ANGPT2: variants seen among roughly 807,000 people sequenced by gnomAD.
ANGPT2 encodes the protein angiopoietin 2, also known as angiopoietin-2.
In ANGPT2, 28 loss-of-function variants were observed where a neutral mutation model predicts 62.9. The observed-to-expected ratio is 0.44, with a 90% CI of 0.33 to 0.61. The LOEUF (loss-of-function observed/expected upper bound fraction) is 0.61, where lower values mean the gene tolerates loss of function less well. ANGPT2 is among the 20% of genes least tolerant of loss of function. The probability of loss-of-function intolerance (pLI) is 0.03; values close to 1 mark genes in which losing one functional copy is unlikely to be tolerated. For missense variants in ANGPT2, 727 were observed against 594.9 expected (o/e 1.22, Z -2.31); for synonymous variants, 284 against 207.8 (o/e 1.37, Z -3.15).
rs550068553 is a variant in ANGPT2 at position 6,542,599 on chromosome 8, T to TA, written c.289-10113dup. Among the ~76,000 whole-genome samples, 55 of 146,604 alleles carry TA rather than the reference T, an allele frequency of 3.8e-4. 1 individual carries two copies. Among genetic ancestry groups the TA allele is most frequent in the African/African-American group, 5.2e-4 (21 of 40,014 alleles). ...TGTACTGATATGCCTATTCTTATCT[T>TA]AAAAAAAAAAAAGTGCTGTCTGAGG... On this transcript the variant is annotated intron_variant, in intron 1 of 8. Coordinates refer to ENST00000629816, the MANE Select transcript of ANGPT2 (RefSeq NM_001118887.2).
At chr8:6,548,887 A>G (rs1376684753) in intron 1 of ANGPT2, among the ~76,000 whole-genome samples, 1 of 152,190 alleles carries the variant, frequency 6.6e-6, no homozygotes, top group Non-Finnish European at 1.5e-5. Context: ...ATAAAGTTTC[A>G]TCACTTTTTA....
rs76181284 is a variant in ANGPT2, at chr8:6,513,125, C to G, written c.1196+553G>C. Among the ~76,000 whole-genome samples the G allele has an allele frequency of 4.5e-3, 684 of 152,272 alleles. 2 individuals are homozygous for G. Among genetic ancestry groups the G allele is most frequent in the African/African-American group, 0.016 (651 of 41,544 alleles). ...AGCCAATTATCTACCAGGCAGAGTT[C>G]TTCTAGGCTTTGAAGATACACAGTA... On this transcript the variant is annotated intron_variant, in intron 7 of 8. Coordinates refer to ENST00000629816, the MANE Select transcript of ANGPT2 (RefSeq NM_001118887.2).
chr8:6,514,828 C>A lies in ANGPT2; in HGVS notation c.928-50G>T, dbSNP rs775621159. 51 of 1,514,556 alleles carry A rather than the reference C, an allele frequency of 3.4e-5. No individual in the cohort carries two copies. The Admixed American group carries it at 7.6e-4, about 22-fold the overall frequency. The allele number at this position is 1,514,556 out of a possible 1,614,324, so 93.8% of individuals were successfully genotyped here. A position where few individuals can be genotyped will look rare whatever the true frequency, so the allele number is the denominator to read the frequency against. ...AGTGACAGAGCCCCCCCACTCCCCC[C>A]TTACGTAGCAGAAGCAGGAGGAATG... On this transcript the variant is annotated intron_variant, in intron 5 of 8. Transcript: ENST00000629816.
rs556470293 is a variant in ANGPT2 at position 6,561,172 on chromosome 8, T to G, written c.288+1475A>C. 2.9e-4 allele frequency among the ~76,000 whole-genome samples: 44 copies of G among 152,354 alleles called. 1 individual carries two copies. Among genetic ancestry groups the G allele is most frequent in the African/African-American group, 1.0e-3 (43 of 41,572 alleles). On this transcript the variant is annotated intron_variant, in intron 1 of 8. Coordinates refer to ENST00000629816, the MANE Select transcript of ANGPT2 (RefSeq NM_001118887.2). ...CGTAATTATTCACACAGCTATGAAT[T>G]TTAGAAGATGTTTAAAAGCAAACCA...
intron 1 of ANGPT2, among the ~76,000 whole-genome samples, chr8:6,549,174 T>C (rs17623747): frequency 6.6e-6 from 1 of 152,176 alleles, no homozygotes; most frequent in Non-Finnish European, 1.5e-5. Flanking sequence ...GTTTGTACAG[T>C]TGAGTGTTGA....
At position 6,500,243 on chromosome 8, in the gene ANGPT2, G is replaced by C. The variant is rs1369702510; in HGVS notation, c.*2858C>G. 11 of 358,186 alleles carry C rather than the reference G, an allele frequency of 3.1e-5. No individual in the cohort carries two copies. The highest frequency in any genetic ancestry group is 4.8e-5 in the Non-Finnish European group (9 of 188,920). The allele number at this position is 358,186 out of a possible 1,614,324, so 22.2% of individuals were successfully genotyped here. A position where few individuals can be genotyped will look rare whatever the true frequency, so the allele number is the denominator to read the frequency against. On this transcript the variant is annotated 3_prime_UTR_variant, in exon 9 of 9. Coordinates refer to ENST00000629816, the MANE Select transcript of ANGPT2 (RefSeq NM_001118887.2). ...CAGGTAGTCTTATATCTTGCTTAAT[G>C]TTTTTACTGTTAATAGAAATAGAAC...
At chr8:6,522,080 G>A (rs1817457142) in intron 3 of ANGPT2, among the ~76,000 whole-genome samples, 5 of 152,226 alleles carry the variant, frequency 3.3e-5, no homozygotes, top group Admixed American at 3.3e-4. Context: ...TGCTGGCCGG[G>A]CGCAGTGGCT....
Position 6,509,036 on chromosome 8 carries a change from G to A in ANGPT2, c.1223C>T (p.Thr408Ile). ...GCTGATGCTGCTTATTTTGCCGGCT[G>A]TCCCTGTAAGTCCTTTAAGGTGAAT... ...YRIHLKGLTG[T>I]AGKISSISQP... Residue 408 changes from threonine (T) to isoleucine (I), a missense_variant, in exon 8 of 9, where the codon ACA becomes ATA. By Grantham distance (89) the Thr-to-Ile change is moderately conservative. Coordinates refer to ENST00000629816, the MANE Select transcript of ANGPT2 (RefSeq NM_001118887.2). 6.2e-7 allele frequency: 1 copy of A among 1,614,074 alleles called. No homozygotes were observed. Among genetic ancestry groups the A allele is most frequent in the Non-Finnish European group, 8.5e-7 (1 of 1,180,030 alleles).
At chr8:6,558,470 C>G (rs548840978) in intron 1 of ANGPT2, among the ~76,000 whole-genome samples, 1 of 152,118 alleles carries the variant, frequency 6.6e-6, no homozygotes, top group Non-Finnish European at 1.5e-5. Flanking sequence ...AAAATAAGCA[C>G]CCCAGACCAT....
chr8:6,507,479 A>G (rs939772151), intron 8 of ANGPT2: 4 of 152,036 alleles, frequency 2.6e-5, no homozygotes, highest in African/African-American at 9.7e-5. Context: ...AGCATTTGTC[A>G]CACTTTTTTC....
chr8:6,532,259 G>A (rs1586425351), intron 2 of ANGPT2, 73 bp downstream of exon 2: 10 of 1,558,976 alleles, frequency 6.4e-6, no homozygotes, highest in African/African-American at 1.4e-5. Context: ...CCTTCATTGA[G>A]GAAGCTCCTG....
intron 2 of ANGPT2, 150 bp downstream of exon 2, chr8:6,532,182 T>C: frequency 1.1e-6 from 1 of 908,536 alleles, no homozygotes; most frequent in Non-Finnish European, 1.7e-6. Flanking sequence ...TAAGCAGCCA[T>C]ACATCCTTAA....
intron 3 of ANGPT2, among the ~76,000 whole-genome samples, chr8:6,522,189 A>G (rs1040146127): frequency 2.0e-5 from 3 of 151,990 alleles, no homozygotes; most frequent in African/African-American, 7.2e-5. Flanking sequence ...CCCCGTCTCC[A>G]CTAAAAATAC....
At chr8:6,521,533 T>A in intron 3 of ANGPT2, 123 bp from the exon 4 acceptor site, 1 of 727,314 alleles carries the variant, frequency 1.4e-6, no homozygotes, top group Non-Finnish European at 2.2e-6. Flanking sequence ...AGTAATATGA[T>A]GTTACCAGAG....
rs573074166 is a variant in ANGPT2, at chr8:6,502,153, A to G, written c.*948T>C. On this transcript the variant is annotated 3_prime_UTR_variant, in exon 9 of 9. Transcript: ENST00000629816. ...TGTTTTAGAATAGTGAGAAGATAGT[A>G]AAGTTTCTTTGTCATAGAATGAAAT... is the stretch of plus-strand genomic sequence containing the variant. The G allele has an allele frequency of 1.7e-4, 26 of 152,288 alleles. 2 individuals are homozygous for G. Among genetic ancestry groups the G allele is most frequent in the African/African-American group, 5.5e-4 (23 of 41,558 alleles). 9.4% of individuals were successfully genotyped at this position (152,288 alleles called of 1,614,324 possible).
intron 2 of ANGPT2, 46 bp downstream of exon 2, chr8:6,532,286 G>T: frequency 1.2e-6 from 2 of 1,611,950 alleles, no homozygotes; most frequent in Non-Finnish European, 8.5e-7. Context: ...CTGAGTGCTA[G>T]TCTCTAGCTG....
chr8:6,524,541 T>A (rs1297162531), intron 3 of ANGPT2, among the ~76,000 whole-genome samples: 2 of 152,232 alleles, frequency 1.3e-5, no homozygotes, highest in Admixed American at 6.5e-5. Flanking sequence ...CACTGAGTGA[T>A]AGTTGGGTTC....
intron 1 of ANGPT2, among the ~76,000 whole-genome samples, chr8:6,549,571 G>C (rs79537201): frequency 0.021 from 2,981 of 144,492 alleles, 100 homozygotes; most frequent in African/African-American, 0.074. Context: ...TGAGGGAGCC[G>C]CGTGCAGGGC....
chr8:6,523,570 T>C (rs1817755661), intron 3 of ANGPT2, among the ~76,000 whole-genome samples: 2 of 150,868 alleles, frequency 1.3e-5, no homozygotes, highest in African/African-American at 4.9e-5. Flanking sequence ...ACAGTCAAGG[T>C]ATTTGGCAGG....
Sources: gnomAD v4.1 joint callset for allele counts (sites outside exome capture counted in the v4.1 genomes callset) on GRCh38, gnomAD v4.1.1 for gene constraint, MANE v1.5 for transcripts, NCBI Gene and HGNC (gene_info 2026-07-23, HGNC 2026-07-21) for gene names.